Variants in EVC2 observed in about 807,000 individuals in gnomAD.
The protein encoded by EVC2 is limbin.
In EVC2, 148 loss-of-function variants were observed where a neutral mutation model predicts 149.3. The ratio of observed to expected loss-of-function variants is 0.99; its 90% CI spans 0.87 to 1.14. The LOEUF is 1.14. EVC2 is among the 50% of genes most tolerant of loss of function. The pLI is 0.00. For synonymous variants in EVC2, 776 were observed against 649.9 expected (o/e 1.19, Z -2.95); for missense variants, 1,854 against 1,627.3 (o/e 1.14, Z -2.40).
intron 9 of EVC2, among the ~76,000 whole-genome samples, chr4:5,654,941 A>G (rs1024633178): frequency 1.3e-5 from 2 of 152,204 alleles, no homozygotes; most frequent in Non-Finnish European, 2.9e-5. Context: ...CTTCCTGCAG[A>G]CAGTGGGTAT....
At chr4:5,595,849 G>A (rs1227981871) in intron 16 of EVC2, among the ~76,000 whole-genome samples, 10 of 152,076 alleles carry the variant, frequency 6.6e-5, no homozygotes, top group Admixed American at 5.2e-4. Context: ...ACACACATAG[G>A]CTCAAAATAA....
At position 5,614,747 on chromosome 4, in the gene EVC2, G is replaced by A. The variant is rs1003091933; in HGVS notation, c.2829+675C>T. On this transcript the variant is annotated intron_variant, in intron 16 of 21. Transcript: ENST00000344408. The surrounding 1 kb of genome is among the most constrained non-coding windows in gnomAD (Gnocchi z 4.7). ...AATCCCAGCACTTTGGGAAGCTGAGGTGGGCGGATCACCTGAAGTCAGGAG... is the reference window on the plus strand; with the variant it reads ...AATCCCAGCACTTTGGGAAGCTGAGATGGGCGGATCACCTGAAGTCAGGAG... 3.3e-5 allele frequency among the ~76,000 whole-genome samples: 5 copies of A among 152,168 alleles called. No homozygotes were observed. Among genetic ancestry groups the A allele is most frequent in the Non-Finnish European group, 7.4e-5 (5 of 68,026 alleles).
intron 15 of EVC2, among the ~76,000 whole-genome samples, chr4:5,616,757 C>T (rs868583291): frequency 6.6e-5 from 10 of 152,204 alleles, no homozygotes; most frequent in Admixed American, 1.3e-4. Context: ...AAAGCCTGAC[C>T]GTGCTGGCCC....
chr4:5,573,232 T>C (rs1394400047), intron 19 of EVC2, among the ~76,000 whole-genome samples: 1 of 152,164 alleles, frequency 6.6e-6, no homozygotes, highest in Non-Finnish European at 1.5e-5. Flanking sequence ...AGGCGAAGGG[T>C]ACTTTGCAAG....
chr4:5,586,601 C>T (rs767212940), intron 16 of EVC2, among the ~76,000 whole-genome samples: 1 of 152,154 alleles, frequency 6.6e-6, no homozygotes, highest in Admixed American at 6.5e-5. Context: ...CTCTCTGAAG[C>T]CTGCTACCTG....
intron 21 of EVC2, among the ~76,000 whole-genome samples, chr4:5,545,001 C>A (rs1721585539): frequency 6.6e-6 from 1 of 152,184 alleles, no homozygotes; most frequent in Admixed American, 6.5e-5. Context: ...GCTTCCAACA[C>A]CCTTCACTGA....
Position 5,670,426 on chromosome 4 carries a change from A to G in EVC2, c.871-4777T>C, listed in dbSNP as rs1719568780. 6.6e-6 allele frequency among the ~76,000 whole-genome samples: 1 copy of G among 151,992 alleles called. No homozygotes were observed. On this transcript the variant is annotated intron_variant, in intron 7 of 21. Transcript: ENST00000344408. This position sits in a 1 kb window ranked among gnomAD's most constrained non-coding sequence, Gnocchi z 5.2. Reference sequence around the variant, plus strand: ...CATTTTCATCTTTACCATCACCATCAACACCATTATGATCAATATCAGCAG... The same window carrying G: ...CATTTTCATCTTTACCATCACCATCGACACCATTATGATCAATATCAGCAG...
intron 16 of EVC2, among the ~76,000 whole-genome samples, chr4:5,592,859 A>C (rs1712944472): frequency 6.6e-6 from 1 of 152,148 alleles, no homozygotes; most frequent in African/African-American, 2.4e-5. Flanking sequence ...GGGAGAAGGG[A>C]TGTGATATGG....
chr4:5,550,616 T>C (rs1411428793), intron 21 of EVC2, among the ~76,000 whole-genome samples: 1 of 152,022 alleles, frequency 6.6e-6, no homozygotes, highest in Non-Finnish European at 1.5e-5. Flanking sequence ...GAAAAGAAAA[T>C]CCTATCTTCT....
intron 16 of EVC2, among the ~76,000 whole-genome samples, chr4:5,596,219 C>T (rs1194817885): frequency 6.6e-6 from 1 of 152,156 alleles, no homozygotes; most frequent in Non-Finnish European, 1.5e-5. Context: ...CCAAGCGGAC[C>T]TAACAGACAT....
chr4:5,584,673 C>T lies in EVC2; in HGVS notation c.3007G>A (p.Glu1003Lys), dbSNP rs555666020. 2.6e-4 allele frequency: 418 copies of T among 1,614,072 alleles called. No individual in the cohort carries two copies. In the South Asian group the frequency reaches 4.4e-3, roughly 17 times the overall value. The change falls in exon 17 of 22, where the codon GAG (glutamate) becomes AAG (lysine). Residue 1003 changes from glutamate to lysine, a missense_variant. By Grantham distance (56) the Glu-to-Lys change is moderately conservative. Transcript: ENST00000344408. ...DLLLEELSAS[E>K]MLTKSACTQI... ...GTGCAGGCCGACTTGGTCAGCATCTCAGATGCACTCAGCTCTTCCAGGAGC... is the reference window on the plus strand; with the variant it reads ...GTGCAGGCCGACTTGGTCAGCATCTTAGATGCACTCAGCTCTTCCAGGAGC...
In EVC2 at chr4:5,640,793, A is replaced by G. The variant is rs1373671014; in HGVS notation, c.1191T>C (p.Ala397=). The G allele has an allele frequency of 6.2e-7, 1 of 1,614,216 alleles. No homozygotes were observed. Among genetic ancestry groups the G allele is most frequent in the South Asian group, 1.1e-5 (1 of 91,078 alleles). The stretch of plus-strand genomic sequence containing the variant: ...TATCCTTGCTGATTTGTGTTCGACA[A>G]GCCTCCAGATCTGCATCTGCCCGAT... ...TLNRADADLE[A]CRTQISKDII... The change falls in exon 10 of 22, where the codon GCT becomes GCC. Residue 397 remains alanine (A), a synonymous_variant. Coordinates refer to ENST00000344408, the MANE Select transcript of EVC2 (RefSeq NM_147127.5). This position sits in a 1 kb window ranked among gnomAD's most constrained non-coding sequence, Gnocchi z 4.6.
At chr4:5,695,087 C>T (rs143438783) in intron 2 of EVC2, among the ~76,000 whole-genome samples, 2,035 of 152,210 alleles carry the variant, frequency 0.013, 71 homozygotes, top group Admixed American at 0.076. Context: ...CCGCAGCTGA[C>T]ACCTGTAATC....
At chr4:5,592,347 G>A (rs1712881449) in intron 16 of EVC2, among the ~76,000 whole-genome samples, 1 of 152,150 alleles carries the variant, frequency 6.6e-6, no homozygotes, top group Non-Finnish European at 1.5e-5. Flanking sequence ...GAGAAAAGTG[G>A]GCCAAGGGAT....
chr4:5,550,296 C>G (rs1173940502), intron 21 of EVC2, among the ~76,000 whole-genome samples: 1 of 152,060 alleles, frequency 6.6e-6, no homozygotes, highest in African/African-American at 2.4e-5. Flanking sequence ...TGGCTTTGAC[C>G]AAAATACTGA....
chr4:5,571,902 A>C (rs146154899), intron 19 of EVC2, among the ~76,000 whole-genome samples: 2 of 152,310 alleles, frequency 1.3e-5, no homozygotes, highest in African/African-American at 4.8e-5. Flanking sequence ...GGAGAGAACA[A>C]GAAGGCTGAC....
intron 1 of EVC2, among the ~76,000 whole-genome samples, chr4:5,698,669 T>C (rs137992282): frequency 2.7e-3 from 408 of 152,332 alleles, no homozygotes; most frequent in Non-Finnish European, 3.9e-3. Flanking sequence ...ACTGTACAAG[T>C]AGTCCCTATA....
intron 16 of EVC2, among the ~76,000 whole-genome samples, chr4:5,594,464 G>T (rs570477300): frequency 6.6e-6 from 1 of 152,208 alleles, no homozygotes; most frequent in African/African-American, 2.4e-5. Flanking sequence ...GGTAAACAGC[G>T]TCTGGAGTGG....
In EVC2 at chr4:5,708,272, C is replaced by G. The variant is rs967676815; in HGVS notation, c.228+14G>C. The G allele has an allele frequency of 2.7e-6, 4 of 1,475,440 alleles. No individual in the cohort carries two copies. In the African/African-American group the frequency reaches 5.9e-5, roughly 22 times the overall value. The allele number at this position is 1,475,440 out of a possible 1,614,324, so 91.4% of individuals were successfully genotyped here. On this transcript the variant is annotated intron_variant, in intron 1 of 21. Transcript: ENST00000344408. ...CTACAGTCAGACCGGAGCCTGGGGT[C>G]GGGCCCTCCTTACCTGCGTGCTGCT...
Sources: allele counts gnomAD v4.1 joint callset (sites outside exome capture counted in the v4.1 genomes callset), GRCh38; gene constraint gnomAD v4.1.1; non-coding constraint Gnocchi (gnomAD v3.1); transcripts MANE v1.5; gene names NCBI Gene and HGNC (gene_info 2026-07-23, HGNC 2026-07-21).